The following RUNDC3B variants were observed in gnomAD, a reference collection of about 807,000 sequenced individuals.
The protein encoded by RUNDC3B is RUN domain-containing protein 3B.
In RUNDC3B, 33 loss-of-function variants were observed where a neutral mutation model predicts 58.4. The observed-to-expected ratio is 0.56, with a 90% confidence interval of 0.43 to 0.75. RUNDC3B has a LOEUF of 0.75. Ranked by LOEUF, RUNDC3B falls within the 30% of genes least tolerant of loss-of-function variation. The pLI, the probability that RUNDC3B is intolerant of heterozygous loss-of-function variation, is 0.00. For synonymous variants in RUNDC3B, 193 were observed against 195.2 expected (o/e 0.99, Z 0.10); for missense variants, 501 against 535.7 (o/e 0.94, Z 0.64).
Position 87,831,242 on chromosome 7 carries a change from C to T in RUNDC3B, c.*1212C>T, listed in dbSNP as rs914798785. 1 of 151,484 alleles carries T rather than the reference C, an allele frequency of 6.6e-6. No homozygotes were observed. The highest frequency in any genetic ancestry group is 2.4e-5 in the African/African-American group (1 of 41,276). 9.4% of individuals were successfully genotyped at this position (151,484 alleles called of 1,614,324 possible). On this transcript the variant is annotated 3_prime_UTR_variant, in exon 11 of 11. Coordinates refer to ENST00000394654, the MANE Select transcript of RUNDC3B (RefSeq NM_001134405.2). Reference sequence around the variant, plus strand: ...TTAGCTGTGCCAAAGAAATTTTATACATTGTTTACATGATGAGGCCACAGT... The same window carrying T: ...TTAGCTGTGCCAAAGAAATTTTATATATTGTTTACATGATGAGGCCACAGT...
At chr7:87,669,838 C>T (rs1825655770) in intron 2 of RUNDC3B, among the ~76,000 whole-genome samples, 1 of 152,158 alleles carries the variant, frequency 6.6e-6, no homozygotes, top group Non-Finnish European at 1.5e-5. Flanking sequence ...CTGAGAGGTC[C>T]ACTGTTAGCC....
rs558855198 is a variant in RUNDC3B at position 87,647,925 on chromosome 7, C to G, written c.123-2897C>G. Among the ~76,000 whole-genome samples the G allele has an allele frequency of 3.3e-5, 5 of 152,174 alleles. No individual in the cohort carries two copies. In the East Asian group the frequency reaches 9.7e-4, roughly 29 times the overall value. On this transcript the variant is annotated intron_variant, in intron 1 of 10. Coordinates refer to ENST00000394654, the MANE Select transcript of RUNDC3B (RefSeq NM_001134405.2). ...ATAGGCCAGGCACGGTGGCTCATGC[C>G]TGTAATCCCAACACTTTGGGAGGCC... is the stretch of plus-strand genomic sequence containing the variant.
intron 2 of RUNDC3B, among the ~76,000 whole-genome samples, chr7:87,654,693 C>A (rs1485778897): frequency 6.6e-6 from 1 of 152,012 alleles, no homozygotes; most frequent in Non-Finnish European, 1.5e-5. Flanking sequence ...TTTGACACCA[C>A]AAGCACAGGC....
At chr7:87,730,566 C>G (rs1304538676) in intron 4 of RUNDC3B, among the ~76,000 whole-genome samples, 1 of 151,976 alleles carries the variant, frequency 6.6e-6, no homozygotes, top group Non-Finnish European at 1.5e-5. Context: ...CAGGTAGATT[C>G]CCATGCTTCC....
rs536305032 is a variant in RUNDC3B at position 87,696,351 on chromosome 7, A to G, written c.239-4070A>G. Reference sequence around the variant, plus strand: ...ATTTTTAAAGGCATGAGTAGCTTGTAACTTTGTTTTTAAATTTTCCTGTTA... The same window carrying G: ...ATTTTTAAAGGCATGAGTAGCTTGTGACTTTGTTTTTAAATTTTCCTGTTA... On this transcript the variant is annotated intron_variant, in intron 2 of 10. Coordinates refer to ENST00000394654, the MANE Select transcript of RUNDC3B (RefSeq NM_001134405.2). Among the ~76,000 whole-genome samples the G allele has an allele frequency of 3.3e-5, 5 of 152,248 alleles. No homozygotes were observed. In the South Asian group the frequency reaches 8.3e-4, roughly 25 times the overall value.
chr7:87,689,072 T>G (rs1196847483), intron 2 of RUNDC3B, among the ~76,000 whole-genome samples: 1 of 152,048 alleles, frequency 6.6e-6, no homozygotes, highest in Non-Finnish European at 1.5e-5. Flanking sequence ...TCAAATAAAA[T>G]GATTCAAAAT....
chr7:87,762,955 T>C lies in RUNDC3B; in HGVS notation c.630-7626T>C, dbSNP rs147742850. On this transcript the variant is annotated intron_variant, in intron 6 of 10. Coordinates refer to ENST00000394654, the MANE Select transcript of RUNDC3B (RefSeq NM_001134405.2). ...ATTTACTGATATATTTGGAATGATATCTACTATTGCATTTTTTGCCTTCTA... is the reference window on the plus strand; with the variant it reads ...ATTTACTGATATATTTGGAATGATACCTACTATTGCATTTTTTGCCTTCTA... Among the ~76,000 whole-genome samples the C allele has an allele frequency of 2.0e-4, 31 of 151,654 alleles. No individual in the cohort carries two copies. The East Asian group carries it at 5.6e-3, about 27-fold the overall frequency.
chr7:87,634,477 G>A (rs892472416), intron 1 of RUNDC3B, among the ~76,000 whole-genome samples: 8 of 134,026 alleles, frequency 6.0e-5, no homozygotes, highest in African/African-American at 8.0e-5. Flanking sequence ...CAAACAGTCA[G>A]GCGTGGTGGT....
intron 3 of RUNDC3B, among the ~76,000 whole-genome samples, chr7:87,709,722 A>G (rs369885930): frequency 6.6e-6 from 1 of 152,258 alleles, no homozygotes; most frequent in African/African-American, 2.4e-5. Context: ...TATATTGATT[A>G]GTGTCACCTT....
Position 87,639,885 on chromosome 7 carries a change from A to G in RUNDC3B, c.123-10937A>G, listed in dbSNP as rs543089912. On this transcript the variant is annotated intron_variant, in intron 1 of 10. Transcript: ENST00000394654. ...TATTTAGCCCATTTTAATTAACGTT[A>G]TTACTATTATATTTGGATTTATAGC... Among the ~76,000 whole-genome samples, 20 of 151,756 alleles carry G rather than the reference A, an allele frequency of 1.3e-4. No homozygotes were observed. The South Asian group carries it at 3.3e-3, about 25-fold the overall frequency.
At chr7:87,729,768 A>G (rs951614083) in intron 4 of RUNDC3B, among the ~76,000 whole-genome samples, 2 of 152,228 alleles carry the variant, frequency 1.3e-5, no homozygotes, top group Admixed American at 1.3e-4. Context: ...TGCTTGCATC[A>G]TCGCTGCCCC....
At chr7:87,778,843 A>T (rs1834786690) in intron 8 of RUNDC3B, among the ~76,000 whole-genome samples, 1 of 152,040 alleles carries the variant, frequency 6.6e-6, no homozygotes, top group Non-Finnish European at 1.5e-5. Flanking sequence ...TTTTGTGAAA[A>T]TTTTCACATA....
chr7:87,696,791 G>C (rs762436392), intron 2 of RUNDC3B, among the ~76,000 whole-genome samples: 8 of 152,080 alleles, frequency 5.3e-5, no homozygotes, highest in African/African-American at 1.9e-4. Context: ...ATGATATGCC[G>C]TCCTGTCAAT....
Position 87,641,115 on chromosome 7 carries a change from ATTAAG to A in RUNDC3B, c.123-9703_123-9699del, listed in dbSNP as rs748849576. Among the ~76,000 whole-genome samples the A allele has an allele frequency of 8.5e-5, 13 of 152,212 alleles. No homozygotes were observed. The East Asian group carries it at 1.5e-3, about 18-fold the overall frequency. On this transcript the variant is annotated intron_variant, in intron 1 of 10. Coordinates refer to ENST00000394654, the MANE Select transcript of RUNDC3B (RefSeq NM_001134405.2). ...TGTTATTGAATGCCACACAATGTTTATTAAGTTATTTCTTTAATACTTTTGTTGTT... is the reference window on the plus strand; with the variant it reads ...TGTTATTGAATGCCACACAATGTTTATTATTTCTTTAATACTTTTGTTGTT...
At chr7:87,634,045 A>G (rs1003296615) in intron 1 of RUNDC3B, among the ~76,000 whole-genome samples, 2 of 152,104 alleles carry the variant, frequency 1.3e-5, no homozygotes, top group Non-Finnish European at 2.9e-5. Flanking sequence ...AGGTGTGAAG[A>G]GAGACCAAAC....
At chr7:87,667,057 T>C (rs963963711) in intron 2 of RUNDC3B, among the ~76,000 whole-genome samples, 10 of 152,218 alleles carry the variant, frequency 6.6e-5, no homozygotes, top group African/African-American at 2.4e-4. Flanking sequence ...AGGAATAGCA[T>C]TGAATCTATA....
At chr7:87,732,776 A>G (rs1392108745) in intron 4 of RUNDC3B, among the ~76,000 whole-genome samples, 2 of 152,178 alleles carry the variant, frequency 1.3e-5, no homozygotes, top group African/African-American at 4.8e-5. Context: ...AGATGGTCAC[A>G]TGGGGATGAA....
chr7:87,629,055 C>T, intron 1 of RUNDC3B, 110 bp downstream of exon 1: 1 of 1,076,688 alleles, frequency 9.3e-7, no homozygotes, highest in Non-Finnish European at 1.2e-6. Context: ...GCCCAGTGCC[C>T]CCGCCTATGT....
At chr7:87,664,663 G>A (rs968536533) in intron 2 of RUNDC3B, among the ~76,000 whole-genome samples, 21 of 152,190 alleles carry the variant, frequency 1.4e-4, no homozygotes, top group Admixed American at 5.2e-4. Flanking sequence ...ATAGAGGTGC[G>A]TATATGAATT....
Sources: gnomAD v4.1 joint callset for allele counts (sites outside exome capture counted in the v4.1 genomes callset) on GRCh38, gnomAD v4.1.1 for gene constraint, MANE v1.5 for transcripts, NCBI Gene and HGNC (gene_info 2026-07-23, HGNC 2026-07-21) for gene names.